ABCC4: variants seen among roughly 807,000 people sequenced by gnomAD.
ABCC4 encodes ATP binding cassette subfamily C member 4 (PEL blood group).
In ABCC4, 102 loss-of-function variants were observed where a neutral mutation model predicts 168.5. That is an observed-to-expected ratio of 0.61 (90% CI 0.52 to 0.71). The LOEUF (loss-of-function observed/expected upper bound fraction) is 0.71. Ranked by LOEUF, ABCC4 falls within the 30% of genes least tolerant of loss-of-function variation. The pLI, the probability that ABCC4 is intolerant of heterozygous loss-of-function variation, is 0.00. For missense variants in ABCC4, 1,402 were observed against 1,605.8 expected (o/e 0.87, Z 2.17); for synonymous variants, 617 against 590.7 (o/e 1.04, Z -0.65).
chr13:95,240,204 C>A (rs2039894930), intron 3 of ABCC4, among the ~76,000 whole-genome samples: 1 of 152,172 alleles, frequency 6.6e-6, no homozygotes, highest in African/African-American at 2.4e-5. Context: ...CAATCTAGAC[C>A]CTGGGAATCC....
chr13:95,179,908 G>A (rs1210972641), intron 11 of ABCC4, among the ~76,000 whole-genome samples: 1 of 152,026 alleles, frequency 6.6e-6, no homozygotes, highest in African/African-American at 2.4e-5. Context: ...TAGAATGCCG[G>A]AACAATCTAA....
chr13:95,158,788 G>A (rs531697435), intron 19 of ABCC4, among the ~76,000 whole-genome samples: 5 of 152,038 alleles, frequency 3.3e-5, no homozygotes, highest in South Asian at 2.1e-4. Flanking sequence ...TTATAAAGCC[G>A]GCTGGGTCCA....
chr13:95,194,025 G>A (rs2038339598), intron 9 of ABCC4, among the ~76,000 whole-genome samples: 3 of 152,280 alleles, frequency 2.0e-5, no homozygotes, highest in Admixed American at 6.5e-5. Context: ...TGAAAAGCTG[G>A]TGCCATAGTA....
intron 4 of ABCC4, among the ~76,000 whole-genome samples, chr13:95,223,411 T>C (rs893907548): frequency 9.8e-5 from 6 of 61,162 alleles, no homozygotes; most frequent in Non-Finnish European, 4.9e-5. Flanking sequence ...GAAACAAGTA[T>C]AAATGTACAA....
At chr13:95,300,628 C>T (rs2041650817) in intron 1 of ABCC4, among the ~76,000 whole-genome samples, 1 of 152,010 alleles carries the variant, frequency 6.6e-6, no homozygotes, top group Non-Finnish European at 1.5e-5. Flanking sequence ...GACACCGGGA[C>T]ACAGAGAGGT....
At chr13:95,108,840 C>T (rs2035101011) in intron 20 of ABCC4, among the ~76,000 whole-genome samples, 2 of 152,024 alleles carry the variant, frequency 1.3e-5, no homozygotes, top group South Asian at 2.1e-4. Context: ...TTCTGGAGAC[C>T]TGGCACCTGT....
intron 29 of ABCC4, among the ~76,000 whole-genome samples, chr13:95,038,523 A>G (rs1195864668): frequency 6.6e-6 from 1 of 152,136 alleles, no homozygotes; most frequent in Non-Finnish European, 1.5e-5. Context: ...GAAAATAGCA[A>G]ACTGGGCCTT....
Position 95,101,445 on chromosome 13 carries a change from A to G in ABCC4, c.2535+14477T>C, listed in dbSNP as rs183151829. Among the ~76,000 whole-genome samples the G allele has an allele frequency of 3.9e-5, 6 of 152,266 alleles. No homozygotes were observed. In the East Asian group the frequency reaches 7.7e-4, roughly 20 times the overall value. On this transcript the variant is annotated intron_variant, in intron 20 of 30. Transcript: ENST00000645237. The stretch of plus-strand genomic sequence containing the variant: ...TATATTACAGTATTTTGCTGAGTGC[A>G]GCTGTGTGCAAGTTAGCACACTCGG...
chr13:95,194,997 A>T, intron 8 of ABCC4, 60 bp from the exon 9 acceptor site: 2 of 1,390,174 alleles, frequency 1.4e-6, no homozygotes, highest in Non-Finnish European at 2.0e-6. Flanking sequence ...CACAAACAAA[A>T]GTCACTGCTT....
intron 4 of ABCC4, among the ~76,000 whole-genome samples, chr13:95,218,971 AAG>A (rs1243990189): frequency 2.6e-5 from 1 of 38,994 alleles, no homozygotes; most frequent in South Asian, 4.7e-4. Context: ...GAAAGAAAGA[AAG>A]AAAGAAAGAA....
intron 1 of ABCC4, among the ~76,000 whole-genome samples, chr13:95,262,714 C>A (rs2040563880): frequency 6.6e-6 from 1 of 151,816 alleles, no homozygotes; most frequent in Non-Finnish European, 1.5e-5. Flanking sequence ...CTCACCACAA[C>A]CTCCGCTTCC....
chr13:95,203,232 G>C (rs1035295785), intron 8 of ABCC4, among the ~76,000 whole-genome samples: 8 of 152,052 alleles, frequency 5.3e-5, no homozygotes, highest in Admixed American at 3.3e-4. Context: ...ATAATGGCCA[G>C]GAAGACAGAC....
chr13:95,153,019 T>C (rs2036739955), intron 19 of ABCC4, among the ~76,000 whole-genome samples: 1 of 152,170 alleles, frequency 6.6e-6, no homozygotes, highest in Non-Finnish European at 1.5e-5. Flanking sequence ...CTCTCAGTAA[T>C]ATACTTATCA....
intron 20 of ABCC4, among the ~76,000 whole-genome samples, chr13:95,094,177 A>G (rs2034519135): frequency 6.6e-6 from 1 of 152,000 alleles, no homozygotes; most frequent in African/African-American, 2.4e-5. Context: ...TAAAAAAAAA[A>G]ATTCTAAAAT....
chr13:95,206,699 C>T lies in ABCC4; in HGVS notation c.994G>A (p.Val332Met), dbSNP rs377022090. Reference sequence around the variant, plus strand: ...ACGTAGGTGGTGAAGGTCACAAACACGATGATTTTGCTTGCACTGAAAAAT... The same window carrying T: ...ACGTAGGTGGTGAAGGTCACAAACATGATGATTTTGCTTGCACTGAAAAAT... The part of the protein sequence containing the change: ...ASFFSASKII[V>M]FVTFTTYVLL... Residue 332 changes from valine to methionine, a missense_variant, in exon 8 of 31, where the codon GTG becomes ATG. Transcript: ENST00000645237. 228 of 1,614,026 alleles carry T rather than the reference C, an allele frequency of 1.4e-4. No homozygotes were observed. Among genetic ancestry groups the T allele is most frequent in the South Asian group, 3.1e-4 (28 of 91,086 alleles).
chr13:95,287,558 G>C (rs2041290852), intron 1 of ABCC4, among the ~76,000 whole-genome samples: 1 of 151,942 alleles, frequency 6.6e-6, no homozygotes, highest in Admixed American at 6.6e-5. Context: ...TTGCACTCCA[G>C]CCTGGGTGGA....
intron 9 of ABCC4, among the ~76,000 whole-genome samples, chr13:95,190,457 A>G (rs540796885): frequency 1.3e-5 from 2 of 152,342 alleles, no homozygotes; most frequent in South Asian, 4.1e-4. Flanking sequence ...GAGAAGGGAT[A>G]GTTTACCAGA....
At chr13:95,084,415 CACTT>C (rs1271884706) in intron 20 of ABCC4, among the ~76,000 whole-genome samples, 3 of 152,264 alleles carry the variant, frequency 2.0e-5, no homozygotes, top group Non-Finnish European at 4.4e-5. Flanking sequence ...CCCCTAAACA[CACTT>C]ACATAAGAAA....
chr13:95,208,064 A>C, intron 6 of ABCC4, 139 bp from the exon 7 acceptor site: 1 of 858,650 alleles, frequency 1.2e-6, no homozygotes, highest in Non-Finnish European at 1.8e-6. Context: ...TCCTACTCAA[A>C]ATACAAATAG....
Sources: gnomAD v4.1 joint callset for allele counts (sites outside exome capture counted in the v4.1 genomes callset) on GRCh38, gnomAD v4.1.1 for gene constraint, MANE v1.5 for transcripts, NCBI Gene and HGNC (gene_info 2026-07-23, HGNC 2026-07-21) for gene names.